FRMD6: variants seen among roughly 807,000 people sequenced by gnomAD.
FRMD6 encodes the protein FERM domain containing 6.
FRMD6 carries 37 observed loss-of-function variants against 73.2 expected under a neutral mutation model. That is an observed-to-expected ratio of 0.51 (90% confidence interval 0.39 to 0.66). The LOEUF is 0.66. Among genes scored for constraint, FRMD6 ranks in the 30% least tolerant of loss-of-function variants. The pLI is 0.00. For synonymous variants in FRMD6, 273 were observed against 282.2 expected, an observed-to-expected ratio of 0.97 and a Z score of 0.33; for missense variants, 714 against 780.5, an observed-to-expected ratio of 0.91 and a Z score of 1.02.
At chr14:51,477,594 G>C in the FRMD6 span, among the ~76,000 whole-genome samples, 1 of 151,946 alleles carries the variant, frequency 6.6e-6, no homozygotes, top group Non-Finnish European at 1.5e-5. Flanking sequence ...GACAGATGCT[G>C]TTGAAAAAAA....
At chr14:51,486,027 CTTT>C (rs36049787), upstream of FRMD6, among the ~76,000 whole-genome samples, 1 of 138,034 alleles carries the variant, frequency 7.2e-6, no homozygotes, top group African/African-American at 2.7e-5. Flanking sequence ...ACTTCCTTTT[CTTT>C]TTTTTTTTTT....
At chr14:51,474,096 A>G in the FRMD6 span, among the ~76,000 whole-genome samples, 1 of 152,254 alleles carries the variant, frequency 6.6e-6, no homozygotes, top group African/African-American at 2.4e-5. Flanking sequence ...AAAATAGATA[A>G]GCAGGGGTTT....
the FRMD6 span, among the ~76,000 whole-genome samples, chr14:51,484,006 G>T: frequency 6.6e-6 from 1 of 152,292 alleles, no homozygotes; most frequent in South Asian, 2.1e-4. Flanking sequence ...AAGAGTGTGT[G>T]CTATTTCCGT....
At chr14:51,410,961 G>T in the FRMD6 span, among the ~76,000 whole-genome samples, 1 of 152,152 alleles carries the variant, frequency 6.6e-6, no homozygotes, top group East Asian at 1.9e-4. Flanking sequence ...TTAATAGTAG[G>T]TTCTTTGTTT....
chr14:51,661,423 T>G (rs566859954), intron 1 of FRMD6, among the ~76,000 whole-genome samples: 7 of 138,736 alleles, frequency 5.0e-5, no homozygotes, highest in African/African-American at 1.9e-4. Context: ...CTAGAAGATA[T>G]TGTGAACTCT....
intron 6 of FRMD6, among the ~76,000 whole-genome samples, chr14:51,705,179 A>G (rs1438343918): frequency 2.0e-5 from 3 of 152,088 alleles, no homozygotes; most frequent in Non-Finnish European, 4.4e-5. Context: ...CTTGGAATTT[A>G]CCAGCCTCCT....
chr14:51,584,492 C>T (rs564919170), intron 2 of FRMD6, among the ~76,000 whole-genome samples: 2 of 152,160 alleles, frequency 1.3e-5, no homozygotes, highest in Admixed American at 6.5e-5. Context: ...GCAATGGTAC[C>T]ACTTGGGCAT....
chr14:51,587,871 C>T (rs1014445090), intron 2 of FRMD6, among the ~76,000 whole-genome samples: 5 of 152,098 alleles, frequency 3.3e-5, no homozygotes, highest in African/African-American at 1.2e-4. Flanking sequence ...GCGGCAATGA[C>T]GTTCTTATCA....
chr14:51,407,175 A>G, the FRMD6 span, among the ~76,000 whole-genome samples: 3 of 152,234 alleles, frequency 2.0e-5, no homozygotes, highest in South Asian at 6.2e-4. Flanking sequence ...ATGTTAAAGT[A>G]ATTGTGATTG....
the FRMD6 span, among the ~76,000 whole-genome samples, chr14:51,419,347 A>G: frequency 6.6e-6 from 1 of 152,124 alleles, no homozygotes; most frequent in South Asian, 2.1e-4. Flanking sequence ...ATGGGGTTTC[A>G]CCATCTTGGC....
chr14:51,688,701 T>C (rs564837986), intron 1 of FRMD6, among the ~76,000 whole-genome samples: 15 of 152,228 alleles, frequency 9.9e-5, no homozygotes, highest in Non-Finnish European at 1.6e-4. Flanking sequence ...TCTTGACTTG[T>C]CTTGGTTGAA....
At chr14:51,562,573 T>C (rs1887542712) in intron 1 of FRMD6, among the ~76,000 whole-genome samples, 1 of 152,188 alleles carries the variant, frequency 6.6e-6, no homozygotes, top group African/African-American at 2.4e-5. Flanking sequence ...CTCCAGTTTA[T>C]TTCTTGGCAA....
the FRMD6 span, among the ~76,000 whole-genome samples, chr14:51,461,369 A>AC: frequency 6.6e-6 from 1 of 152,146 alleles, no homozygotes; most frequent in Non-Finnish European, 1.5e-5. Flanking sequence ...GGTGCCAAAA[A>AC]ATTTCCACCT....
chr14:51,643,320 C>G (rs943478839), intron 2 of FRMD6: 1 of 152,050 alleles, frequency 6.6e-6, no homozygotes, highest in Admixed American at 6.6e-5. Flanking sequence ...TGAACAGTCA[C>G]TGTGTGATGA....
chr14:51,702,517 C>T lies in FRMD6; in HGVS notation c.300C>T (p.Ile100=), dbSNP rs375670834. Residue 100 remains isoleucine, a synonymous_variant, in exon 5 of 14, where the codon ATC becomes ATT. Transcript: ENST00000344768. ...GTGTGTGCTTTTGTTTCTAGGGTAT[C>T]GACCAATTTGGGCCTCCTATGATCA... is the stretch of plus-strand genomic sequence containing the variant. ...KVRQYEVTWG[I]DQFGPPMIIH... 113 of 1,611,058 alleles carry T rather than the reference C, an allele frequency of 7.0e-5. No homozygotes were observed. The highest frequency in any genetic ancestry group is 9.2e-5 in the Non-Finnish European group (108 of 1,178,042).
intron 10 of FRMD6, among the ~76,000 whole-genome samples, chr14:51,718,853 C>G (rs1331010182): frequency 6.6e-6 from 1 of 151,996 alleles, no homozygotes; most frequent in Non-Finnish European, 1.5e-5. Context: ...CGCATCTTTT[C>G]TTTCTCCTCC....
chr14:51,608,404 T>A (rs1371133832), intron 2 of FRMD6, among the ~76,000 whole-genome samples: 1 of 152,208 alleles, frequency 6.6e-6, no homozygotes, highest in Non-Finnish European at 1.5e-5. Context: ...GTAGTAGTAA[T>A]TACAACTTTA....
chr14:51,715,427 A>T lies in FRMD6; in HGVS notation c.952A>T (p.Ser318Cys), dbSNP rs1249481075. The change falls in exon 10 of 14, where the codon AGC becomes TGC. Residue 318 changes from serine to cysteine, a missense_variant. Physicochemically the swap from Ser to Cys is moderately radical, Grantham distance 112. Transcript: ENST00000344768. Reference protein sequence around the residue: ...MRSRHLLQLLSNSHRLYMNLQ... With the variant: ...MRSRHLLQLLCNSHRLYMNLQ... ...CTCCAGACACCTCCTGCAACTTCTG[A>T]GCAACAGCCACCGCCTCTATATGAA... 1 of 1,613,778 alleles carries T rather than the reference A, an allele frequency of 6.2e-7. No individual in the cohort carries two copies. Among genetic ancestry groups the T allele is most frequent in the Non-Finnish European group, 8.5e-7 (1 of 1,179,892 alleles).
chr14:51,432,507 CT>C, the FRMD6 span, among the ~76,000 whole-genome samples: 1 of 152,120 alleles, frequency 6.6e-6, no homozygotes, highest in Non-Finnish European at 1.5e-5. Flanking sequence ...AGTTGATTGA[CT>C]TTTCCCAGTA....
Sources: gnomAD v4.1 joint callset for allele counts (sites outside exome capture counted in the v4.1 genomes callset) on GRCh38, gnomAD v4.1.1 for gene constraint, MANE v1.5 for transcripts, NCBI Gene and HGNC (gene_info 2026-07-23, HGNC 2026-07-21) for gene names.